Variants in HS3ST4 observed in about 807,000 individuals in gnomAD.
HS3ST4 encodes heparan sulfate-glucosamine 3-sulfotransferase 4.
A neutral mutation model predicts 29.2 loss-of-function variants in HS3ST4; 17 were observed. The observed-to-expected ratio is 0.58, with a 90% CI of 0.40 to 0.87. The LOEUF (loss-of-function observed/expected upper bound fraction) is 0.87, where lower values mean the gene tolerates loss of function less well. Among genes scored for constraint, HS3ST4 ranks in the 40% least tolerant of loss-of-function variants. HS3ST4 has a pLI of 0.00. For synonymous variants in HS3ST4, 314 were observed against 285.7 expected, an observed-to-expected ratio of 1.10 and a Z score of -1.00; for missense variants, 627 against 634.5, an observed-to-expected ratio of 0.99 and a Z score of 0.13.
At chr16:25,796,385 T>G (rs1966885909) in intron 1 of HS3ST4, among the ~76,000 whole-genome samples, 1 of 152,196 alleles carries the variant, frequency 6.6e-6, no homozygotes, top group Non-Finnish European at 1.5e-5. Flanking sequence ...GATGTGTTAC[T>G]GGCTTTTATT....
intron 1 of HS3ST4, among the ~76,000 whole-genome samples, chr16:26,028,703 G>A (rs1969502105): frequency 6.6e-6 from 1 of 152,118 alleles, no homozygotes; most frequent in Non-Finnish European, 1.5e-5. Context: ...ATCTCCATGT[G>A]CACTTCTTCT....
chr16:26,082,437 C>T (rs1406357639), intron 1 of HS3ST4, among the ~76,000 whole-genome samples: 2 of 152,178 alleles, frequency 1.3e-5, no homozygotes, highest in African/African-American at 2.4e-5. Flanking sequence ...TTTAAGGGAG[C>T]AAGTGATAGG....
chr16:25,749,934 G>C (rs1292440939), intron 1 of HS3ST4, among the ~76,000 whole-genome samples: 1 of 152,136 alleles, frequency 6.6e-6, no homozygotes, highest in Admixed American at 6.5e-5. Context: ...ATACTATTCT[G>C]GCTGGCAATG....
intron 1 of HS3ST4, among the ~76,000 whole-genome samples, chr16:25,753,071 GCT>G (rs1000402142): frequency 2.6e-5 from 4 of 152,144 alleles, no homozygotes; most frequent in Non-Finnish European, 1.5e-5. Flanking sequence ...CAGTATGATG[GCT>G]CAGTAGAGGC....
intron 1 of HS3ST4, among the ~76,000 whole-genome samples, chr16:25,713,390 TGGTGGTGTGTGCCTGTGGTCC>T (rs1441054424): frequency 6.6e-6 from 1 of 151,940 alleles, no homozygotes; most frequent in East Asian, 1.9e-4. Flanking sequence ...GAGCTGGGTG[TGGTGGTGTGTGCCTGTGGTCC>T]CAGCTACTAG....
rs559638864 is a variant in HS3ST4 at position 25,742,818 on chromosome 16, G to A, written c.734+49667G>A. Reference sequence around the variant, plus strand: ...CAAATATGAATGCTTCATAACTTCCGTTGTCACATATCCAAGGGTGGATTT... The same window carrying A: ...CAAATATGAATGCTTCATAACTTCCATTGTCACATATCCAAGGGTGGATTT... On this transcript the variant is annotated intron_variant, in intron 1 of 1. Transcript: ENST00000331351. Among the ~76,000 whole-genome samples the A allele has an allele frequency of 7.1e-4, 108 of 152,234 alleles. 1 individual carries two copies. The highest frequency in any genetic ancestry group is 2.5e-3 in the African/African-American group (102 of 41,540).
intron 1 of HS3ST4, among the ~76,000 whole-genome samples, chr16:26,099,901 A>T (rs1567312145): frequency 6.6e-6 from 1 of 152,114 alleles, no homozygotes; most frequent in Non-Finnish European, 1.5e-5. Flanking sequence ...TAGATTAAGG[A>T]TTTTAGAGGT....
At chr16:25,986,543 G>A (rs1376457857) in intron 1 of HS3ST4, among the ~76,000 whole-genome samples, 2 of 152,216 alleles carry the variant, frequency 1.3e-5, no homozygotes, top group African/African-American at 4.8e-5. Context: ...GGGGAAACAA[G>A]TCAATTCAGT....
intron 1 of HS3ST4, among the ~76,000 whole-genome samples, chr16:25,789,445 TC>T (rs1244022968): frequency 0.04 from 2,354 of 58,356 alleles, 175 homozygotes; most frequent in African/African-American, 0.13. Context: ...CTTCCTTCCT[TC>T]CTTCCTTCCT....
At chr16:26,095,875 T>C (rs898865020) in intron 1 of HS3ST4, among the ~76,000 whole-genome samples, 1 of 151,980 alleles carries the variant, frequency 6.6e-6, no homozygotes, top group African/African-American at 2.4e-5. Context: ...ACTAGCAAGA[T>C]TAATGAAGAA....
intron 1 of HS3ST4, among the ~76,000 whole-genome samples, chr16:26,027,289 C>T (rs1969486329): frequency 1.3e-5 from 2 of 152,146 alleles, no homozygotes; most frequent in Admixed American, 1.3e-4. Flanking sequence ...ACAGACAGTT[C>T]CATTCATAAG....
At chr16:25,979,963 C>T (rs899501403) in intron 1 of HS3ST4, among the ~76,000 whole-genome samples, 1 of 152,160 alleles carries the variant, frequency 6.6e-6, no homozygotes, top group Admixed American at 6.5e-5. Context: ...AACTCTGCTA[C>T]CTCCATTCCA....
chr16:26,090,375 G>A (rs1368756199), intron 1 of HS3ST4, among the ~76,000 whole-genome samples: 3 of 151,950 alleles, frequency 2.0e-5, no homozygotes, highest in Admixed American at 1.3e-4. Flanking sequence ...TGTTGTCCAC[G>A]TTGGCCCAGA....
chr16:25,974,146 C>T (rs567533991), intron 1 of HS3ST4, among the ~76,000 whole-genome samples: 5 of 152,338 alleles, frequency 3.3e-5, no homozygotes, highest in African/African-American at 1.2e-4. Flanking sequence ...TCTTCATAAT[C>T]TGCCAGCCTC....
chr16:26,038,951 G>A (rs372169009), intron 1 of HS3ST4, among the ~76,000 whole-genome samples: 24 of 152,026 alleles, frequency 1.6e-4, no homozygotes, highest in Non-Finnish European at 2.6e-4. Context: ...CCAAAGTGCT[G>A]GGATTACAGG....
chr16:25,987,916 A>G (rs113576483), intron 1 of HS3ST4, among the ~76,000 whole-genome samples: 18,337 of 152,118 alleles, frequency 0.12, 1,231 homozygotes, highest in South Asian at 0.16. Context: ...GACTACAGGC[A>G]TGCGCCACCA....
At chr16:25,888,262 G>T (rs1015324251) in intron 1 of HS3ST4, among the ~76,000 whole-genome samples, 2 of 152,098 alleles carry the variant, frequency 1.3e-5, no homozygotes, top group African/African-American at 4.8e-5. Context: ...AAAACAAAAG[G>T]TATTGGATCT....
At chr16:25,741,394 G>T (rs1021094628) in intron 1 of HS3ST4, among the ~76,000 whole-genome samples, 1 of 127,970 alleles carries the variant, frequency 7.8e-6, no homozygotes, top group South Asian at 2.8e-4. Flanking sequence ...AAAAAAAGGC[G>T]GGGGGAGGAG....
At position 26,135,905 on chromosome 16, in the gene HS3ST4, G is replaced by A. The variant is rs776731028; in HGVS notation, c.1028G>A (p.Trp343Ter). ...ATCTATGCGCTGCATCTGGAAAACT[G>A]GCTCCAGTATTTCCCCCTCTCCCAG... ...IGIYALHLEN[W>*]LQYFPLSQIL... Residue 343 changes from tryptophan to a stop codon, truncating the protein, a stop_gained, in exon 2 of 2, where the codon TGG (tryptophan) becomes TAG (stop). Transcript: ENST00000331351. LOFTEE classifies it high-confidence loss of function. The A allele has an allele frequency of 6.2e-7, 1 of 1,613,852 alleles. No homozygotes were observed. Among genetic ancestry groups the A allele is most frequent in the Admixed American group, 1.7e-5 (1 of 60,008 alleles).
Sources: allele counts gnomAD v4.1 joint callset (sites outside exome capture counted in the v4.1 genomes callset), GRCh38; gene constraint gnomAD v4.1.1; transcripts MANE v1.5; gene names NCBI Gene and HGNC (gene_info 2026-07-23, HGNC 2026-07-21).